Variants in NTRK3 observed in about 807,000 individuals in gnomAD.
The protein encoded by NTRK3 is NT-3 growth factor receptor.
A neutral mutation model predicts 91.7 loss-of-function variants in NTRK3; 24 were observed. The observed-to-expected ratio is 0.26, with a 90% CI of 0.19 to 0.37. NTRK3 has a LOEUF of 0.37. Ranked by LOEUF, NTRK3 falls within the 10% of genes least tolerant of loss-of-function variation. The pLI, the probability that NTRK3 is intolerant of heterozygous loss-of-function variation, is 1.00. For synonymous variants in NTRK3, 483 were observed against 404.0 expected, an observed-to-expected ratio of 1.20 and a Z score of -2.34; for missense variants, 880 against 1,068.9, an observed-to-expected ratio of 0.82 and a Z score of 2.46.
intron 14 of NTRK3, among the ~76,000 whole-genome samples, chr15:87,954,198 G>C (rs1365731663): frequency 6.6e-6 from 1 of 152,168 alleles, no homozygotes; most frequent in African/African-American, 2.4e-5. Flanking sequence ...CTCTCCGAGA[G>C]GCCAGCCCTT....
intron 13 of NTRK3, among the ~76,000 whole-genome samples, chr15:88,086,395 A>T (rs146224098): frequency 4.6e-4 from 70 of 152,308 alleles, no homozygotes; most frequent in African/African-American, 1.5e-3. Context: ...ACCTACCATG[A>T]GCAAAAAAAA....
intron 10 of NTRK3, among the ~76,000 whole-genome samples, chr15:88,131,243 TAA>T (rs2041310634): frequency 1.3e-5 from 2 of 152,288 alleles, no homozygotes; most frequent in Middle Eastern, 3.4e-3. Context: ...CCCTGAAAAG[TAA>T]AAGTGTATTC....
chr15:88,137,112 G>A lies in NTRK3; in HGVS notation c.622+292C>T, dbSNP rs577249174. ...TTTTGAGATACACTCCTTCAGGTTTGGTTGACAGGTAACTCACAGGGAGAA... is the reference window on the plus strand; with the variant it reads ...TTTTGAGATACACTCCTTCAGGTTTAGTTGACAGGTAACTCACAGGGAGAA... On this transcript the variant is annotated intron_variant, in intron 7 of 18. Transcript: ENST00000394480. Among the ~76,000 whole-genome samples the A allele has an allele frequency of 2.0e-5, 3 of 152,272 alleles. No individual in the cohort carries two copies. The South Asian group carries it at 6.2e-4, about 32-fold the overall frequency.
chr15:88,190,405 A>G lies in NTRK3; in HGVS notation c.249-6106T>C, dbSNP rs180672277. Among the ~76,000 whole-genome samples the G allele has an allele frequency of 6.6e-5, 10 of 152,330 alleles. No individual in the cohort carries two copies. In the East Asian group the frequency reaches 1.9e-3, roughly 29 times the overall value. On this transcript the variant is annotated intron_variant, in intron 3 of 18. Transcript: ENST00000394480. ...ATTTTCTTGATGACCTTACATCAAT[A>G]CGACCAGCCTAATGAGCCTGCCAGG...
intron 3 of NTRK3, chr15:88,205,909 G>A (rs1030256017): frequency 2.6e-5 from 4 of 152,324 alleles, no homozygotes; most frequent in Non-Finnish European, 5.9e-5. Context: ...CCTGGAGTGT[G>A]CCTTATGAAT....
chr15:88,094,188 C>T (rs947558802), intron 13 of NTRK3, among the ~76,000 whole-genome samples: 2 of 152,220 alleles, frequency 1.3e-5, no homozygotes, highest in Admixed American at 1.3e-4. Context: ...AGAAGTCGGC[C>T]GGGCGCGGTG....
intron 13 of NTRK3, among the ~76,000 whole-genome samples, chr15:88,098,220 C>A: frequency 6.6e-6 from 1 of 152,134 alleles, no homozygotes; most frequent in Non-Finnish European, 1.5e-5. Context: ...TCACACCCCA[C>A]CACGGAAGTG....
At chr15:88,123,078 T>A (rs1056577000) in intron 13 of NTRK3, among the ~76,000 whole-genome samples, 5 of 152,128 alleles carry the variant, frequency 3.3e-5, no homozygotes, top group African/African-American at 1.2e-4. Context: ...CATGATTGCG[T>A]CTTGGATGGG....
chr15:88,254,725 C>T (rs886756592), intron 3 of NTRK3, among the ~76,000 whole-genome samples: 4 of 152,178 alleles, frequency 2.6e-5, no homozygotes, highest in African/African-American at 9.7e-5. Flanking sequence ...CCCAAAATGC[C>T]TTCCTCCAGA....
At chr15:87,890,503 C>T (rs2065800188) in intron 17 of NTRK3, among the ~76,000 whole-genome samples, 1 of 151,948 alleles carries the variant, frequency 6.6e-6, no homozygotes, top group South Asian at 2.1e-4. Flanking sequence ...CATCCCATAG[C>T]ATCCTCCAGA....
exon 19 of NTRK3, chr15:87,863,960 C>A (rs1399752014): frequency 1.8e-5 from 4 of 226,428 alleles, no homozygotes; most frequent in Admixed American, 1.2e-4. Flanking sequence ...CCTTTAACCC[C>A]CCACCAGGCA....
chr15:88,020,490 T>C (rs1388110980), intron 14 of NTRK3, among the ~76,000 whole-genome samples: 1 of 152,176 alleles, frequency 6.6e-6, no homozygotes, highest in East Asian at 1.9e-4. Flanking sequence ...TTGGAAAATA[T>C]ATTTTTCAGT....
intron 13 of NTRK3, among the ~76,000 whole-genome samples, chr15:88,063,879 T>C (rs2046425024): frequency 6.6e-6 from 1 of 152,208 alleles, no homozygotes; most frequent in Non-Finnish European, 1.5e-5. Flanking sequence ...TACTTTTGCT[T>C]CTGTCTTGGT....
chr15:87,901,002 G>A (rs1288014954), intron 17 of NTRK3, among the ~76,000 whole-genome samples: 1 of 152,162 alleles, frequency 6.6e-6, no homozygotes, highest in Non-Finnish European at 1.5e-5. Context: ...GTTCCACACA[G>A]CCTGCTACTC....
intron 13 of NTRK3, among the ~76,000 whole-genome samples, chr15:88,118,266 A>T (rs1196926240): frequency 1.3e-5 from 2 of 152,200 alleles, no homozygotes; most frequent in South Asian, 2.1e-4. Flanking sequence ...CTGCAGCCAC[A>T]TGACAGCTTC....
At chr15:88,128,133 T>G (rs561461663) in intron 11 of NTRK3, among the ~76,000 whole-genome samples, 34 of 152,214 alleles carry the variant, frequency 2.2e-4, no homozygotes, top group African/African-American at 8.2e-4. Flanking sequence ...GAAAAAGGAA[T>G]AAACACAGGT....
chr15:87,999,881 C>T (rs1456514963), intron 14 of NTRK3, among the ~76,000 whole-genome samples: 2 of 152,178 alleles, frequency 1.3e-5, no homozygotes, highest in Non-Finnish European at 2.9e-5. Context: ...TTTCCACCAT[C>T]CTCTATAAGG....
At chr15:88,067,590 T>C (rs542921036) in intron 13 of NTRK3, among the ~76,000 whole-genome samples, 2 of 152,292 alleles carry the variant, frequency 1.3e-5, no homozygotes, top group East Asian at 1.9e-4. Context: ...CAGAAACATA[T>C]GAACTTGGGA....
Position 88,243,024 on chromosome 15 carries a change from G to A in NTRK3, c.248+12882C>T, listed in dbSNP as rs2052511460. On this transcript the variant is annotated intron_variant, in intron 3 of 18. Transcript: ENST00000394480. The surrounding 1 kb of genome is among the most constrained non-coding windows in gnomAD (Gnocchi z 4.8). ...AGGGCCCTCCCACGGAGGAGGAGGA[G>A]CTGCAGCTGCAGGCCCTAAAAATTA... Among the ~76,000 whole-genome samples the A allele has an allele frequency of 6.6e-6, 1 of 152,202 alleles. No individual in the cohort carries two copies. Among genetic ancestry groups the A allele is most frequent in the Non-Finnish European group, 1.5e-5 (1 of 68,034 alleles).
Sources: allele counts gnomAD v4.1 joint callset (sites outside exome capture counted in the v4.1 genomes callset), GRCh38; gene constraint gnomAD v4.1.1; non-coding constraint Gnocchi (gnomAD v3.1); transcripts MANE v1.5; gene names NCBI Gene and HGNC (gene_info 2026-07-23, HGNC 2026-07-21).